The following SORCS2 variants were observed in gnomAD, a reference collection of about 807,000 sequenced individuals.
The protein encoded by SORCS2 is sortilin related VPS10 domain containing receptor 2, also known as VPS10 domain-containing receptor SorCS2.
In SORCS2, 100 loss-of-function variants were observed where a neutral mutation model predicts 141.6. The observed-to-expected ratio is 0.71, with a 90% confidence interval of 0.60 to 0.83. The LOEUF (loss-of-function observed/expected upper bound fraction) is 0.83, where lower values mean the gene tolerates loss of function less well. Ranked by LOEUF, SORCS2 falls within the 40% of genes least tolerant of loss-of-function variation. SORCS2 has a pLI of 0.00. For synonymous variants in SORCS2, 789 were observed against 676.9 expected, an observed-to-expected ratio of 1.17 and a Z score of -2.57; for missense variants, 1,646 against 1,560.2, an observed-to-expected ratio of 1.05 and a Z score of -0.93.
At chr4:7,507,219 G>T (rs1732324846) in intron 2 of SORCS2, among the ~76,000 whole-genome samples, 1 of 147,046 alleles carries the variant, frequency 6.8e-6, no homozygotes, top group Admixed American at 6.6e-5. Flanking sequence ...TCTGTGGCCA[G>T]GCTGGAGTGC....
chr4:7,696,131 T>C (rs1276346485), intron 11 of SORCS2, among the ~76,000 whole-genome samples: 1 of 152,224 alleles, frequency 6.6e-6, no homozygotes, highest in Non-Finnish European at 1.5e-5. Flanking sequence ...TTTGGAATTT[T>C]CCAGTGACTT....
intron 3 of SORCS2, among the ~76,000 whole-genome samples, chr4:7,635,817 G>T (rs1460644447): frequency 1.3e-5 from 2 of 152,188 alleles, no homozygotes; most frequent in East Asian, 3.9e-4. Flanking sequence ...GCTCTCCACG[G>T]AGGCCACATC....
At chr4:7,353,440 G>C (rs906153307) in intron 1 of SORCS2, among the ~76,000 whole-genome samples, 3 of 152,242 alleles carry the variant, frequency 2.0e-5, no homozygotes, top group African/African-American at 7.2e-5. Context: ...GGGAGGTTCA[G>C]CCTGATATGC....
chr4:7,586,540 TC>T (rs767456851), intron 3 of SORCS2, among the ~76,000 whole-genome samples: 12 of 152,220 alleles, frequency 7.9e-5, no homozygotes, highest in Non-Finnish European at 1.2e-4. Context: ...CCATGTGTTC[TC>T]ATCACTCAGC....
At chr4:7,472,023 C>A (rs1056134907) in intron 2 of SORCS2, among the ~76,000 whole-genome samples, 2 of 152,250 alleles carry the variant, frequency 1.3e-5, no homozygotes, top group African/African-American at 4.8e-5. Flanking sequence ...TGCTTCGACC[C>A]TGACCTCTCT....
chr4:7,282,195 C>T (rs768718167), intron 1 of SORCS2, among the ~76,000 whole-genome samples: 10 of 152,290 alleles, frequency 6.6e-5, no homozygotes, highest in South Asian at 2.1e-4. Context: ...CTATCAGTGC[C>T]GGCTGCTGCT....
chr4:7,324,684 A>G (rs1719126092), intron 1 of SORCS2, among the ~76,000 whole-genome samples: 1 of 152,172 alleles, frequency 6.6e-6, no homozygotes, highest in African/African-American at 2.4e-5. Flanking sequence ...GACCTCCTCC[A>G]CCCTGCAAAA....
chr4:7,691,496 C>T lies in SORCS2; in HGVS notation c.1591+1908C>T, dbSNP rs1217978965. ...GTCTGGGGAGCTTGGAGCTTTGCACCTGGGAAGGGAGGGGATTGTGAACAA... is the reference window on the plus strand; with the variant it reads ...GTCTGGGGAGCTTGGAGCTTTGCACTTGGGAAGGGAGGGGATTGTGAACAA... On this transcript the variant is annotated intron_variant, in intron 11 of 26. Coordinates refer to ENST00000507866, the MANE Select transcript of SORCS2 (RefSeq NM_020777.3). Among the ~76,000 whole-genome samples, 4 of 152,254 alleles carry T rather than the reference C, an allele frequency of 2.6e-5. No homozygotes were observed. In the East Asian group the frequency reaches 7.7e-4, roughly 29 times the overall value.
Position 7,509,664 on chromosome 4 carries a change from G to A in SORCS2, c.549-21866G>A, listed in dbSNP as rs1018811065. On this transcript the variant is annotated intron_variant, in intron 2 of 26. Coordinates refer to ENST00000507866, the MANE Select transcript of SORCS2 (RefSeq NM_020777.3). Reference sequence around the variant, plus strand: ...GGCCTTGTGGGGCGAGGAAGGCCACGTAGAGTGGGATGGAAGGAGCTGGTG... The same window carrying A: ...GGCCTTGTGGGGCGAGGAAGGCCACATAGAGTGGGATGGAAGGAGCTGGTG... Among the ~76,000 whole-genome samples, 10 of 152,214 alleles carry A rather than the reference G, an allele frequency of 6.6e-5. No homozygotes were observed. In the East Asian group the frequency reaches 7.7e-4, roughly 12 times the overall value.
intron 1 of SORCS2, among the ~76,000 whole-genome samples, chr4:7,358,663 A>G (rs76012241): frequency 0.016 from 2,467 of 152,302 alleles, 72 homozygotes; most frequent in African/African-American, 0.055. Context: ...TCTCAATCTG[A>G]CCATCTGCTG....
In SORCS2 at chr4:7,201,998, C is replaced by G. The variant is rs1447053612; in HGVS notation, c.480+8872C>G. Among the ~76,000 whole-genome samples, 7 of 151,384 alleles carry G rather than the reference C, an allele frequency of 4.6e-5. No homozygotes were observed. In the South Asian group the frequency reaches 6.3e-4, roughly 14 times the overall value. On this transcript the variant is annotated intron_variant, in intron 1 of 26. Coordinates refer to ENST00000507866, the MANE Select transcript of SORCS2 (RefSeq NM_020777.3). The surrounding 1 kb of genome is among the most constrained non-coding windows in gnomAD (Gnocchi z 4.4). ...CTGCTTTTTCTTGGAAAGCGCCGTCCTGGATGTGAGCTTGGATTCTGGGTG... is the reference window on the plus strand; with the variant it reads ...CTGCTTTTTCTTGGAAAGCGCCGTCGTGGATGTGAGCTTGGATTCTGGGTG...
chr4:7,549,698 C>T (rs1303962429), intron 3 of SORCS2, among the ~76,000 whole-genome samples: 1 of 152,220 alleles, frequency 6.6e-6, no homozygotes, highest in Non-Finnish European at 1.5e-5. Context: ...ATTCTTGTTC[C>T]TTTCTGCCTG....
At chr4:7,447,987 G>A (rs1329435605) in intron 2 of SORCS2, among the ~76,000 whole-genome samples, 2 of 152,154 alleles carry the variant, frequency 1.3e-5, no homozygotes, top group African/African-American at 2.4e-5. Flanking sequence ...TGCCACATAT[G>A]CCGCTGTGCT....
At chr4:7,402,736 A>G (rs758130589) in intron 2 of SORCS2, among the ~76,000 whole-genome samples, 3 of 152,130 alleles carry the variant, frequency 2.0e-5, no homozygotes, top group Non-Finnish European at 2.9e-5. Flanking sequence ...GAGTCATCAG[A>G]CTTTCCATGT....
intron 3 of SORCS2, among the ~76,000 whole-genome samples, chr4:7,620,349 G>C (rs1259780824): frequency 6.6e-6 from 1 of 152,230 alleles, no homozygotes; most frequent in Non-Finnish European, 1.5e-5. Context: ...CAGTCTCTCA[G>C]CTTTTTAGGG....
intron 4 of SORCS2, among the ~76,000 whole-genome samples, chr4:7,645,052 G>C (rs141922951): frequency 6.6e-6 from 1 of 152,234 alleles, no homozygotes; most frequent in African/African-American, 2.4e-5. Context: ...AAACGCAAGC[G>C]CATGAGGCAG....
chr4:7,427,224 A>G (rs1221864858), intron 2 of SORCS2, among the ~76,000 whole-genome samples: 2 of 152,078 alleles, frequency 1.3e-5, no homozygotes, highest in African/African-American at 4.8e-5. Context: ...GTAGAAGAGC[A>G]AAGTCTTGTG....
intron 3 of SORCS2, among the ~76,000 whole-genome samples, chr4:7,635,122 G>A (rs150981888): frequency 2.0e-4 from 31 of 152,338 alleles, no homozygotes; most frequent in African/African-American, 7.0e-4. Context: ...CTCGTGGTGA[G>A]TGTCCCAGGC....
intron 2 of SORCS2, among the ~76,000 whole-genome samples, chr4:7,446,787 G>A (rs1037298968): frequency 6.6e-6 from 1 of 152,236 alleles, no homozygotes; most frequent in Non-Finnish European, 1.5e-5. Context: ...TGTACGTGCA[G>A]TGTCGTGGGG....
Sources: allele counts gnomAD v4.1 joint callset (sites outside exome capture counted in the v4.1 genomes callset), GRCh38; gene constraint gnomAD v4.1.1; non-coding constraint Gnocchi (gnomAD v3.1); transcripts MANE v1.5; gene names NCBI Gene and HGNC (gene_info 2026-07-23, HGNC 2026-07-21).